Variants in MID1 observed in about 807,000 individuals in gnomAD.
MID1 encodes the protein E3 ubiquitin-protein ligase Midline-1.
MID1 carries 7 observed loss-of-function variants against 40.4 expected under a neutral mutation model. The ratio of observed to expected loss-of-function variants is 0.17; its 90% confidence interval spans 0.10 to 0.33. The LOEUF (loss-of-function observed/expected upper bound fraction) is 0.33. MID1 is among the 10% of genes least tolerant of loss of function. The pLI is 1.00. For missense variants in MID1, 367 were observed against 558.5 expected, an observed-to-expected ratio of 0.66 and a Z score of 3.46; for synonymous variants, 229 against 221.2, an observed-to-expected ratio of 1.04 and a Z score of -0.31.
At chrX:10,493,579 T>G (rs772596958) in intron 4 of MID1, among the ~76,000 whole-genome samples, 22 of 111,696 alleles carry the variant, frequency 2.0e-4, no homozygotes, top group Non-Finnish European at 3.9e-4. Flanking sequence ...TTCAAAAAAA[T>G]TATTTATTTA....
intron 1 of MID1, among the ~76,000 whole-genome samples, chrX:10,745,496 C>T (rs1212414489): frequency 8.9e-6 from 1 of 112,317 alleles, no homozygotes; most frequent in African/African-American, 3.2e-5. Context: ...CTTCAATTGC[C>T]TAGATGTTCC....
At chrX:10,786,711 A>T (rs1338755997) in intron 1 of MID1, among the ~76,000 whole-genome samples, 7 of 107,625 alleles carry the variant, frequency 6.5e-5, no homozygotes, top group Non-Finnish European at 5.8e-5. Flanking sequence ...GCAAACTATC[A>T]CAAGGACAAA....
At chrX:10,779,372 C>T (rs964592158) in intron 1 of MID1, among the ~76,000 whole-genome samples, 11 of 111,190 alleles carry the variant, frequency 9.9e-5, no homozygotes, top group South Asian at 3.8e-4. Context: ...GAGGTCTCCC[C>T]GTGTTGTCCA....
intron 3 of MID1, among the ~76,000 whole-genome samples, chrX:10,504,199 A>G (rs1325320451): frequency 9.0e-6 from 1 of 111,274 alleles, no homozygotes; most frequent in Admixed American, 9.6e-5. Flanking sequence ...CATTTACTTC[A>G]ACTATCTACA....
chrX:10,638,830 C>T (rs1179830472), intron 1 of MID1, among the ~76,000 whole-genome samples: 1 of 111,899 alleles, frequency 8.9e-6, no homozygotes, highest in Admixed American at 9.5e-5. Flanking sequence ...GATCAGATAG[C>T]AAAATTTGCT....
chrX:10,760,151 A>G (rs769600438), intron 1 of MID1, among the ~76,000 whole-genome samples: 52 of 112,077 alleles, frequency 4.6e-4, no homozygotes, highest in Non-Finnish European at 9.2e-4. Flanking sequence ...TCAGTGCCTG[A>G]CAATGTCCTG....
intron 3 of MID1, among the ~76,000 whole-genome samples, chrX:10,518,581 G>T (rs1329217289): frequency 9.0e-6 from 1 of 110,763 alleles, no homozygotes; most frequent in Non-Finnish European, 1.9e-5. Flanking sequence ...AAAAATCTTT[G>T]ATGTGGACTA....
At chrX:10,601,162 T>A (rs768385618) in intron 1 of MID1, among the ~76,000 whole-genome samples, 118 of 112,718 alleles carry the variant, frequency 1.0e-3, no homozygotes, top group Middle Eastern at 4.6e-3. Flanking sequence ...AGACATAATG[T>A]AGCATTATTG....
intron 1 of MID1, among the ~76,000 whole-genome samples, chrX:10,591,847 A>G (rs941392399): frequency 4.5e-5 from 5 of 110,428 alleles, no homozygotes; most frequent in African/African-American, 1.7e-4. Context: ...CAAAACCTCT[A>G]TTTTTTCCCC....
chrX:10,539,119 T>C (rs1213158223), intron 2 of MID1, among the ~76,000 whole-genome samples: 1 of 112,400 alleles, frequency 8.9e-6, no homozygotes, highest in African/African-American at 3.2e-5. Flanking sequence ...TATTGAAATG[T>C]AGGATGAGGA....
In MID1 at chrX:10,455,244, T is replaced by TAAAC. The variant is rs199991981; in HGVS notation, c.1448-171_1448-168dup. Among the ~76,000 whole-genome samples, 865 of 112,498 alleles carry TAAAC rather than the reference T, an allele frequency of 7.7e-3. 11 individuals carry two copies. The highest frequency in any genetic ancestry group is 0.026 in the African/African-American group (792 of 30,982). ...GGTATCTTATATTTTAATAGTAATT[T>TAAAC]AAACATTATAAGCAACTTTCAAAGA... On this transcript the variant is annotated intron_variant, in intron 8 of 9. Transcript: ENST00000317552.
chrX:10,785,424 T>A (rs2043875558), intron 1 of MID1, among the ~76,000 whole-genome samples: 2 of 111,400 alleles, frequency 1.8e-5, no homozygotes, highest in Non-Finnish European at 3.8e-5. Flanking sequence ...GCCATCCCCA[T>A]CAAGCTACCA....
At chrX:10,530,089 T>C (rs898709005) in intron 2 of MID1, among the ~76,000 whole-genome samples, 1 of 112,075 alleles carries the variant, frequency 8.9e-6, no homozygotes, top group African/African-American at 3.2e-5. Context: ...GAATGTTATA[T>C]AACACTGTCC....
chrX:10,748,282 C>A (rs777369551), intron 1 of MID1, among the ~76,000 whole-genome samples: 1 of 111,576 alleles, frequency 9.0e-6, no homozygotes, highest in East Asian at 2.8e-4. Flanking sequence ...GTTCAATTCC[C>A]AGCACTCTTC....
At chrX:10,693,480 C>A (rs2043143688) in intron 1 of MID1, among the ~76,000 whole-genome samples, 1 of 110,839 alleles carries the variant, frequency 9.0e-6, no homozygotes, top group Admixed American at 9.7e-5. Context: ...GCGTGAGCCA[C>A]TGCACCTGGC....
intron 1 of MID1, among the ~76,000 whole-genome samples, chrX:10,781,066 T>C (rs767846221): frequency 1.5e-4 from 17 of 111,629 alleles, no homozygotes; most frequent in Non-Finnish European, 3.2e-4. Context: ...GGTTTACAGT[T>C]TAAGCTGAGA....
chrX:10,707,798 G>A (rs2043241381), intron 1 of MID1, among the ~76,000 whole-genome samples: 1 of 112,299 alleles, frequency 8.9e-6, no homozygotes, highest in South Asian at 3.6e-4. Flanking sequence ...CCCAGCACTG[G>A]TGTAATATTT....
At chrX:10,766,908 CA>C (rs61259004) in intron 1 of MID1, among the ~76,000 whole-genome samples, 8,779 of 57,186 alleles carry the variant, frequency 0.15, 1,056 homozygotes, top group African/African-American at 0.42. Context: ...GACCCTGCCT[CA>C]AAAAAAAAAA....
At chrX:10,547,785 G>T in intron 2 of MID1, among the ~76,000 whole-genome samples, 1 of 111,476 alleles carries the variant, frequency 9.0e-6, no homozygotes. Flanking sequence ...AGCAGTCATT[G>T]CTGAACCCAC....
Sources: allele counts gnomAD v4.1 joint callset (sites outside exome capture counted in the v4.1 genomes callset), GRCh38; gene constraint gnomAD v4.1.1; transcripts MANE v1.5; gene names NCBI Gene and HGNC (gene_info 2026-07-23, HGNC 2026-07-21).